The following PDLIM5 variants were observed in gnomAD, a reference collection of about 807,000 sequenced individuals.
PDLIM5 encodes PDZ and LIM domain protein 5.
A neutral mutation model predicts 64.2 loss-of-function variants in PDLIM5; 34 were observed. The observed-to-expected ratio is 0.53, with a 90% CI of 0.40 to 0.71. PDLIM5 has a LOEUF of 0.71. Among genes scored for constraint, PDLIM5 ranks in the 30% least tolerant of loss-of-function variants. The pLI, the probability that PDLIM5 is intolerant of heterozygous loss-of-function variation, is 0.00. For missense variants in PDLIM5, 683 were observed against 733.6 expected (o/e 0.93, Z 0.80); for synonymous variants, 253 against 269.1 (o/e 0.94, Z 0.59).
intron 3 of PDLIM5, among the ~76,000 whole-genome samples, chr4:94,556,320 G>A (rs531782822): frequency 2.8e-4 from 43 of 152,088 alleles, no homozygotes; most frequent in Non-Finnish European, 5.6e-4. Context: ...GGACATTTGG[G>A]TTGGTTCCAA....
chr4:94,507,918 C>T (rs910243394), intron 2 of PDLIM5, among the ~76,000 whole-genome samples: 1 of 152,160 alleles, frequency 6.6e-6, no homozygotes, highest in Non-Finnish European at 1.5e-5. Flanking sequence ...TTCACTCCCT[C>T]CTTGGTATGG....
chr4:94,554,210 T>C (rs1733056727), intron 3 of PDLIM5, among the ~76,000 whole-genome samples: 1 of 152,208 alleles, frequency 6.6e-6, no homozygotes, highest in Non-Finnish European at 1.5e-5. Context: ...ATGAAATCAT[T>C]TGAGTTTAAG....
chr4:94,456,742 TTTTGAAAGGTTG>T (rs1193781611), intron 2 of PDLIM5: 6 of 1,227,300 alleles, frequency 4.9e-6, no homozygotes, highest in Non-Finnish European at 6.1e-6. Flanking sequence ...ATCTACGTCA[TTTTGAAAGGTTG>T]TGCCAATTTA....
chr4:94,503,966 C>T (rs933632033), intron 2 of PDLIM5, among the ~76,000 whole-genome samples: 14 of 152,092 alleles, frequency 9.2e-5, no homozygotes, highest in African/African-American at 3.1e-4. Context: ...ACTATTACAT[C>T]TTTATGGGAC....
Position 94,594,417 on chromosome 4 carries a change from A to G in PDLIM5, c.920+7973A>G, listed in dbSNP as rs555391869. ...CAGAAATACTAATAGAGAAAATTTT[A>G]TCATTAATAAGGAAATGTTTAAATA... On this transcript the variant is annotated intron_variant, in intron 7 of 12. Coordinates refer to ENST00000317968, the MANE Select transcript of PDLIM5 (RefSeq NM_006457.5). Among the ~76,000 whole-genome samples the G allele has an allele frequency of 1.8e-4, 28 of 152,242 alleles. No homozygotes were observed. The South Asian group carries it at 3.5e-3, about 19-fold the overall frequency.
intron 3 of PDLIM5, among the ~76,000 whole-genome samples, chr4:94,524,935 T>A (rs932540529): frequency 2.6e-5 from 4 of 152,156 alleles, no homozygotes; most frequent in Non-Finnish European, 4.4e-5. Context: ...ATAATGAAGG[T>A]AGCTTGATCA....
chr4:94,536,001 T>A (rs1403174411), intron 3 of PDLIM5, among the ~76,000 whole-genome samples: 1 of 152,152 alleles, frequency 6.6e-6, no homozygotes, highest in African/African-American at 2.4e-5. Flanking sequence ...TAATCTACAT[T>A]TATTTAAAAA....
At chr4:94,486,063 A>G (rs899053313) in intron 2 of PDLIM5, among the ~76,000 whole-genome samples, 11 of 152,086 alleles carry the variant, frequency 7.2e-5, no homozygotes, top group Non-Finnish European at 1.5e-4. Context: ...GATGAATCCT[A>G]TACATCTAAG....
intron 2 of PDLIM5, among the ~76,000 whole-genome samples, chr4:94,515,901 T>C (rs1729315962): frequency 6.6e-6 from 1 of 152,256 alleles, no homozygotes; most frequent in African/African-American, 2.4e-5. Flanking sequence ...TTGTTTGATT[T>C]TCAGATGTTT....
intron 3 of PDLIM5, among the ~76,000 whole-genome samples, chr4:94,553,927 C>A (rs1733034258): frequency 6.6e-6 from 1 of 152,070 alleles, no homozygotes; most frequent in South Asian, 2.1e-4. Context: ...TTTAAAAAAT[C>A]TCTTCTTTCA....
rs143924145 is a variant in PDLIM5 at position 94,529,825 on chromosome 4, C to A, written c.248+5950C>A. ...TACTGCAACTGAACTATAAAAAATT[C>A]TATTTAAAATTATTTTTACTCTTGG... On this transcript the variant is annotated intron_variant, in intron 3 of 12. Coordinates refer to ENST00000317968, the MANE Select transcript of PDLIM5 (RefSeq NM_006457.5). Among the ~76,000 whole-genome samples, 9 of 152,206 alleles carry A rather than the reference C, an allele frequency of 5.9e-5. No individual in the cohort carries two copies. In the East Asian group the frequency reaches 1.5e-3, roughly 26 times the overall value.
intron 3 of PDLIM5, among the ~76,000 whole-genome samples, chr4:94,548,031 A>ATT (rs1478139510): frequency 1.3e-5 from 2 of 152,164 alleles, no homozygotes; most frequent in Admixed American, 6.5e-5. Flanking sequence ...GTCTCTCACC[A>ATT]TTATCGTAGT....
In PDLIM5 at chr4:94,630,174, TC is replaced by T. The variant is rs551732895; in HGVS notation, c.1109-10098del. 1.3e-3 allele frequency among the ~76,000 whole-genome samples: 191 copies of T among 152,224 alleles called. 1 individual carries two copies. The highest frequency in any genetic ancestry group is 0.01 in the Middle Eastern group (3 of 294). ...AGATGTTGAATTACAATACTTTATC[TC>T]CCCGAGAGTGCCACTTTGATGTATC... On this transcript the variant is annotated intron_variant, in intron 8 of 12. Transcript: ENST00000317968.
At chr4:94,557,269 C>G (rs1018051962) in intron 3 of PDLIM5, among the ~76,000 whole-genome samples, 9 of 152,130 alleles carry the variant, frequency 5.9e-5, no homozygotes, top group African/African-American at 2.2e-4. Context: ...GTCTATATCT[C>G]TGTTTTGGTA....
intron 2 of PDLIM5, among the ~76,000 whole-genome samples, chr4:94,487,023 A>T (rs72876219): frequency 0.02 from 3,094 of 152,256 alleles, 80 homozygotes; most frequent in African/African-American, 0.064. Context: ...AAAATAAAAT[A>T]AAAAGTAGAT....
chr4:94,634,442 T>G (rs967404091), intron 8 of PDLIM5, among the ~76,000 whole-genome samples: 1 of 152,222 alleles, frequency 6.6e-6, no homozygotes, highest in African/African-American at 2.4e-5. Flanking sequence ...TAAGCTGCCT[T>G]AGAAGACACT....
chr4:94,651,076 A>T (rs1181710258), intron 9 of PDLIM5, among the ~76,000 whole-genome samples: 1 of 152,194 alleles, frequency 6.6e-6, no homozygotes, highest in Non-Finnish European at 1.5e-5. Flanking sequence ...AACAAGAAGA[A>T]CTTCTTTAGT....
intron 3 of PDLIM5, among the ~76,000 whole-genome samples, chr4:94,544,991 A>G (rs1732180488): frequency 6.6e-6 from 1 of 152,234 alleles, no homozygotes; most frequent in South Asian, 2.1e-4. Flanking sequence ...TTTCTGGTTA[A>G]TGAGACCAAT....
intron 2 of PDLIM5, among the ~76,000 whole-genome samples, chr4:94,515,276 GGTAAT>G (rs1729263714): frequency 6.6e-6 from 1 of 152,116 alleles, no homozygotes; most frequent in Admixed American, 6.5e-5. Context: ...TAGAATTGAA[GGTAAT>G]GCCTTATGGG....
Sources: gnomAD v4.1 joint callset for allele counts (sites outside exome capture counted in the v4.1 genomes callset) on GRCh38, gnomAD v4.1.1 for gene constraint, MANE v1.5 for transcripts, NCBI Gene and HGNC (gene_info 2026-07-23, HGNC 2026-07-21) for gene names.